TBC1D2B: variants seen among roughly 807,000 people sequenced by gnomAD.
TBC1D2B encodes the protein TBC1 domain family member 2B.
Under a neutral mutation model 100.8 loss-of-function variants are expected in TBC1D2B, and 64 were observed. The ratio of observed to expected loss-of-function variants is 0.64; its 90% CI spans 0.52 to 0.78. TBC1D2B has a LOEUF of 0.78. Among genes scored for constraint, TBC1D2B ranks in the 30% least tolerant of loss-of-function variants. TBC1D2B has a pLI of 0.00. For missense variants in TBC1D2B, 1,052 were observed against 1,218.4 expected (o/e 0.86, Z 2.03); for synonymous variants, 480 against 479.7 (o/e 1.00, Z -0.01).
chr15:78,065,096 C>A (rs2073630436), intron 1 of TBC1D2B, among the ~76,000 whole-genome samples: 1 of 152,192 alleles, frequency 6.6e-6, no homozygotes, highest in Admixed American at 6.5e-5. Context: ...TGGGAAGATG[C>A]CACATTCATC....
At chr15:78,040,729 G>A (rs2073060674) in intron 3 of TBC1D2B, among the ~76,000 whole-genome samples, 1 of 135,356 alleles carries the variant, frequency 7.4e-6, no homozygotes, top group Non-Finnish European at 1.6e-5. Context: ...AGAGAGAAAA[G>A]GAAGGAAGGA....
chr15:78,049,889 T>C (rs757347286), intron 2 of TBC1D2B, among the ~76,000 whole-genome samples: 9 of 152,330 alleles, frequency 5.9e-5, no homozygotes, highest in South Asian at 2.1e-4. Context: ...GGGGAAATTA[T>C]GATGTGCTCA....
At chr15:78,042,176 G>A (rs143081793) in intron 3 of TBC1D2B, among the ~76,000 whole-genome samples, 273 of 152,304 alleles carry the variant, frequency 1.8e-3, no homozygotes, top group African/African-American at 6.4e-3. Context: ...TTCCTAGGCA[G>A]GAGGCACTCA....
At chr15:78,009,916 A>G (rs973348463) in intron 9 of TBC1D2B, among the ~76,000 whole-genome samples, 1 of 149,810 alleles carries the variant, frequency 6.7e-6, no homozygotes, top group South Asian at 2.1e-4. Flanking sequence ...CAGAGCTTGC[A>G]GTGAGCCGAG....
At chr15:78,027,437 G>C (rs982855837) in intron 4 of TBC1D2B, among the ~76,000 whole-genome samples, 1 of 152,114 alleles carries the variant, frequency 6.6e-6, no homozygotes, top group Non-Finnish European at 1.5e-5. Context: ...TACAAGGAAG[G>C]GTAGTTCACT....
chr15:78,063,118 G>T (rs1020884608), intron 1 of TBC1D2B, among the ~76,000 whole-genome samples: 11 of 152,038 alleles, frequency 7.2e-5, no homozygotes, highest in Non-Finnish European at 1.3e-4. Flanking sequence ...CATGTTTACC[G>T]ATAACCCACT....
chr15:78,064,755 G>GA (rs34249742), intron 1 of TBC1D2B, among the ~76,000 whole-genome samples: 132,702 of 150,092 alleles, frequency 0.88, 59,318 homozygotes, highest in East Asian at 0.98. Flanking sequence ...AGCACCAATG[G>GA]AAAAAAAAAA....
In TBC1D2B at chr15:78,024,354, C is replaced by T. The variant is rs933827516; in HGVS notation, c.1272G>A (p.Gln424=). ...CTTTGCTCTTCAGCGTCCTTACTTCCTGCTGAAGACTCTCCTTCTCCAAGC... is the reference window on the plus strand; with the variant it reads ...CTTTGCTCTTCAGCGTCCTTACTTCTTGCTGAAGACTCTCCTTCTCCAAGC... ...RFSLEKESLQ[Q]EVRTLKSKVG... The change falls in exon 6 of 13, where the codon CAG becomes CAA. Residue 424 remains glutamine, a synonymous_variant. Transcript: ENST00000300584. The T allele has an allele frequency of 1.9e-6, 3 of 1,614,076 alleles. No individual in the cohort carries two copies. The highest frequency in any genetic ancestry group is 1.7e-6 in the Non-Finnish European group (2 of 1,179,900).
intron 10 of TBC1D2B, 145 bp from the exon 11 acceptor site, chr15:78,003,635 C>G (rs1049655275): frequency 1.6e-6 from 1 of 607,684 alleles, no homozygotes; most frequent in African/African-American, 1.8e-5. Context: ...GGGCCCATCA[C>G]GGAGCCAGAC....
At position 78,077,465 on chromosome 15, in the gene TBC1D2B, C is replaced by G. The variant is rs1206802466; in HGVS notation, c.188G>C (p.Arg63Pro). The change falls in exon 1 of 13, where the codon CGC (arginine) becomes CCC (proline). Residue 63 changes from arginine to proline, a missense_variant. This residue lies in a region of TBC1D2B where 627 missense variants were observed against 646.1 expected (regional missense o/e 0.97). Transcript: ENST00000300584. ...CTTGAAATAGTAAAGGTAGCAGCGGCGCGCGTCGAACACGAACCAGCGGCT... is the reference window on the plus strand; with the variant it reads ...CTTGAAATAGTAAAGGTAGCAGCGGGGCGCGTCGAACACGAACCAGCGGCT... ...YRSRWFVFDARRCYLYYFKSP... is the reference protein window; with the variant it reads ...YRSRWFVFDAPRCYLYYFKSP... 1.3e-6 allele frequency: 2 copies of G among 1,537,892 alleles called. No homozygotes were observed. The highest frequency in any genetic ancestry group is 1.8e-6 in the Non-Finnish European group (2 of 1,142,072).
At chr15:78,050,211 C>T (rs1338654712) in intron 2 of TBC1D2B, among the ~76,000 whole-genome samples, 3 of 152,090 alleles carry the variant, frequency 2.0e-5, no homozygotes, top group East Asian at 1.9e-4. Flanking sequence ...CCCACGCCAT[C>T]CCCTTGCACA....
chr15:78,071,350 T>C (rs563901174), intron 1 of TBC1D2B, among the ~76,000 whole-genome samples: 2 of 152,342 alleles, frequency 1.3e-5, no homozygotes, highest in Admixed American at 6.5e-5. Flanking sequence ...TCAGAGTCCA[T>C]AACTAAAAGT....
chr15:78,005,305 G>A (rs2072036780), intron 10 of TBC1D2B, among the ~76,000 whole-genome samples: 1 of 152,204 alleles, frequency 6.6e-6, no homozygotes, highest in South Asian at 2.1e-4. Context: ...TCAGCACCTA[G>A]CAAGGTCCTG....
rs777280644 is a variant in TBC1D2B, at chr15:78,003,407, G to A, written c.2472C>T (p.Tyr824=). The A allele has an allele frequency of 1.2e-6, 2 of 1,613,918 alleles. No homozygotes were observed. Among genetic ancestry groups the A allele is most frequent in the East Asian group, 2.2e-5 (1 of 44,884 alleles). The change falls in exon 11 of 13, where the codon TAC becomes TAT. Residue 824 remains tyrosine (Y), a synonymous_variant. Coordinates refer to ENST00000300584, the MANE Select transcript of TBC1D2B (RefSeq NM_144572.2). ...GAAACCAGTTGAAAGTGATGAGAGT[G>A]TAGTCGACTTTGTACTGTTCAAAGT... ...HGHFEQYKVD[Y]TLITFNWFLV...
intron 1 of TBC1D2B, among the ~76,000 whole-genome samples, chr15:78,073,554 G>T (rs2141850478): frequency 6.6e-6 from 1 of 152,282 alleles, no homozygotes; most frequent in East Asian, 1.9e-4. Context: ...AGGCTTAAGG[G>T]AATCAGTTCT....
chr15:78,073,799 G>A (rs150848081), intron 1 of TBC1D2B, among the ~76,000 whole-genome samples: 10,280 of 151,758 alleles, frequency 0.068, 435 homozygotes, highest in East Asian at 0.24. Context: ...GTGAAACCCC[G>A]TCTCTACTAA....
rs562293263 is a variant in TBC1D2B at position 78,030,478 on chromosome 15, T to A, written c.684-308A>T. Among the ~76,000 whole-genome samples the A allele has an allele frequency of 2.3e-3, 349 of 152,144 alleles. 3 individuals carry two copies. Among genetic ancestry groups the A allele is most frequent in the African/African-American group, 6.6e-3 (272 of 41,522 alleles). ...CACCATGCCCAGCTAATTTTTTTTTTAATTATTTTTAGTAGAGATGGGGTT... is the reference window on the plus strand; with the variant it reads ...CACCATGCCCAGCTAATTTTTTTTTAAATTATTTTTAGTAGAGATGGGGTT... On this transcript the variant is annotated intron_variant, in intron 3 of 12. Coordinates refer to ENST00000300584, the MANE Select transcript of TBC1D2B (RefSeq NM_144572.2).
chr15:78,016,070 CAT>C (rs2072366057), intron 8 of TBC1D2B, among the ~76,000 whole-genome samples: 1 of 152,170 alleles, frequency 6.6e-6, no homozygotes, highest in Non-Finnish European at 1.5e-5. Flanking sequence ...TCATGAGTCT[CAT>C]ATTTTTTAGA....
In TBC1D2B at chr15:78,013,034, T is replaced by G; in HGVS notation, c.2059A>C (p.Thr687Pro). 3 of 1,613,784 alleles carry G rather than the reference T, an allele frequency of 1.9e-6. No individual in the cohort carries two copies. The highest frequency in any genetic ancestry group is 2.5e-6 in the Non-Finnish European group (3 of 1,179,664). The change falls in exon 9 of 13, where the codon ACT becomes CCT. Residue 687 changes from threonine to proline, a missense_variant. Physicochemically the swap from Thr to Pro is conservative, Grantham distance 38. Transcript: ENST00000300584. ...DRHTRKFKDNTEPGHFQTLLQ... is the reference protein window; with the variant it reads ...DRHTRKFKDNPEPGHFQTLLQ... ...AAGGTCTGGAAGTGGCCAGGCTCAG[T>G]GTTGTCCTTGAACTTCCTGGTGTGA...
Sources: gnomAD v4.1 joint callset for allele counts (sites outside exome capture counted in the v4.1 genomes callset) on GRCh38, gnomAD v4.1.1 for gene constraint, gnomAD v4.1.1 regional missense constraint, MANE v1.5 for transcripts, NCBI Gene and HGNC (gene_info 2026-07-23, HGNC 2026-07-21) for gene names.